Variants in SCD5 observed in about 807,000 individuals in gnomAD.
SCD5 encodes acyl-CoA-desaturase 4.
SCD5 carries 20 observed loss-of-function variants against 30.4 expected under a neutral mutation model. The observed-to-expected ratio is 0.66, with a 90% confidence interval of 0.46 to 0.96. SCD5 has a LOEUF of 0.96. SCD5 is among the 40% of genes least tolerant of loss of function. The pLI is 0.00. For synonymous variants in SCD5, 173 were observed against 176.4 expected (o/e 0.98, Z 0.16); for missense variants, 381 against 443.3 (o/e 0.86, Z 1.26).
chr4:82,732,365 C>T (rs1005105079), intron 1 of SCD5, among the ~76,000 whole-genome samples: 14 of 152,356 alleles, frequency 9.2e-5, no homozygotes, highest in Middle Eastern at 3.4e-3. Context: ...GCTTGGATTA[C>T]AGGCACGAGC....
intron 1 of SCD5, among the ~76,000 whole-genome samples, chr4:82,749,887 C>A (rs189723070): frequency 3.7e-4 from 57 of 152,292 alleles, no homozygotes; most frequent in Admixed American, 2.3e-3. Context: ...GGGCTTTATA[C>A]CCCAAGCACA....
intron 4 of SCD5, among the ~76,000 whole-genome samples, chr4:82,634,416 T>C (rs979385387): frequency 6.6e-6 from 1 of 152,198 alleles, no homozygotes; most frequent in Admixed American, 6.5e-5. Flanking sequence ...AACGAGTACC[T>C]CAAGATGGAT....
intron 3 of SCD5, among the ~76,000 whole-genome samples, chr4:82,644,175 C>A (rs10013397): frequency 0.71 from 107,947 of 151,982 alleles, 38,478 homozygotes; most frequent in Admixed American, 0.78. Context: ...TGCCTGAGGT[C>A]ATGCCCCTCC....
intron 3 of SCD5, among the ~76,000 whole-genome samples, chr4:82,667,380 A>T (rs571645787): frequency 6.6e-6 from 1 of 152,274 alleles, no homozygotes; most frequent in East Asian, 1.9e-4. Context: ...GACTTGGAAA[A>T]TTTTTAAAAC....
chr4:82,764,130 C>T (rs1177059017), intron 1 of SCD5, among the ~76,000 whole-genome samples: 1 of 152,182 alleles, frequency 6.6e-6, no homozygotes, highest in Non-Finnish European at 1.5e-5. Context: ...TAGAACTCTA[C>T]TGTCCATTAC....
chr4:82,651,357 T>C (rs1578005656), intron 3 of SCD5, among the ~76,000 whole-genome samples: 1 of 151,980 alleles, frequency 6.6e-6, no homozygotes, highest in East Asian at 1.9e-4. Flanking sequence ...CTAAGTGAAG[T>C]AACCAGGAAT....
chr4:82,794,635 G>A (rs1324891069), intron 1 of SCD5, among the ~76,000 whole-genome samples: 2 of 151,466 alleles, frequency 1.3e-5, no homozygotes, highest in Non-Finnish European at 2.9e-5. Context: ...TCTAGTTGGA[G>A]TTTGCATTCT....
rs141029590 is a variant in SCD5 at position 82,737,679 on chromosome 4, C to G, written c.233-32266G>C. Among the ~76,000 whole-genome samples, 220 of 152,278 alleles carry G rather than the reference C, an allele frequency of 1.4e-3. 1 individual carries two copies. The highest frequency in any genetic ancestry group is 5.1e-3 in the African/African-American group (214 of 41,556). On this transcript the variant is annotated intron_variant, in intron 1 of 4. Transcript: ENST00000319540. ...ATATCATGTGCTACTGGAAAAAAAT[C>G]AGGGATACTATTTTCATGCTTGCCT...
At chr4:82,720,458 A>AAAAAAAAAAAAAAAAAAAC (rs1720347478) in intron 1 of SCD5, among the ~76,000 whole-genome samples, 1 of 151,152 alleles carries the variant, frequency 6.6e-6, no homozygotes, top group African/African-American at 2.4e-5. Context: ...AAAAAAAAAA[A>AAAAAAAAAAAAAAAAAAAC]AAAAAGACAA....
chr4:82,669,205 G>A (rs1358688379), intron 3 of SCD5, among the ~76,000 whole-genome samples: 4 of 151,670 alleles, frequency 2.6e-5, no homozygotes, highest in Non-Finnish European at 5.9e-5. Context: ...GCAAAGATGA[G>A]TCAAAAATTG....
Position 82,680,721 on chromosome 4 carries a change from G to A in SCD5, c.555C>T (p.Val185=). The A allele has an allele frequency of 6.2e-7, 1 of 1,614,114 alleles. No homozygotes were observed. Among genetic ancestry groups the A allele is most frequent in the Non-Finnish European group, 8.5e-7 (1 of 1,180,030 alleles). ...CATTCACTTACTTTCTCTGGATCCG[G>A]ACCACAGGATCAGCAAGCAGGTCAG... ...DVTDLLADPV[V]RIQRKYYKIS... Residue 185 remains valine, a synonymous_variant, in exon 3 of 5, where the codon GTC becomes GTT. Coordinates refer to ENST00000319540, the MANE Select transcript of SCD5 (RefSeq NM_001037582.3).
At chr4:82,702,824 ATTT>A (rs1719882565) in intron 2 of SCD5, among the ~76,000 whole-genome samples, 1 of 152,178 alleles carries the variant, frequency 6.6e-6, no homozygotes, top group African/African-American at 2.4e-5. Flanking sequence ...GCATTTTTTC[ATTT>A]CCCCAGGTTG....
At chr4:82,722,133 G>T (rs532178572) in intron 1 of SCD5, among the ~76,000 whole-genome samples, 64 of 152,328 alleles carry the variant, frequency 4.2e-4, no homozygotes, top group African/African-American at 1.5e-3. Context: ...TTTGCAGATG[G>T]TATGGCTGTC....
At chr4:82,732,939 A>T (rs1720674043) in intron 1 of SCD5, among the ~76,000 whole-genome samples, 1 of 152,148 alleles carries the variant, frequency 6.6e-6, no homozygotes, top group Admixed American at 6.5e-5. Flanking sequence ...TATTTTTGTC[A>T]CTACCAGTCT....
intron 2 of SCD5, among the ~76,000 whole-genome samples, chr4:82,694,184 C>A (rs1483343483): frequency 6.6e-6 from 1 of 152,170 alleles, no homozygotes; most frequent in African/African-American, 2.4e-5. Context: ...CTGGTGGGAA[C>A]CACTGGTCAC....
chr4:82,746,420 C>T lies in SCD5; in HGVS notation c.233-41007G>A, dbSNP rs1720983310. ...GAGAGAATTCTCATTGTCTGATGTA[C>T]ACTTTGCCCTTTTTTCTCTCTTTGG... On this transcript the variant is annotated intron_variant, in intron 1 of 4. Coordinates refer to ENST00000319540, the MANE Select transcript of SCD5 (RefSeq NM_001037582.3). Among the ~76,000 whole-genome samples, 3 of 152,286 alleles carry T rather than the reference C, an allele frequency of 2.0e-5. No individual in the cohort carries two copies. In the South Asian group the frequency reaches 6.2e-4, roughly 32 times the overall value.
chr4:82,678,878 A>C (rs1365586170), intron 3 of SCD5, among the ~76,000 whole-genome samples: 1 of 152,148 alleles, frequency 6.6e-6, no homozygotes, highest in Non-Finnish European at 1.5e-5. Context: ...GTGAAAATCA[A>C]CGTCAATAAA....
At chr4:82,753,264 A>G in intron 1 of SCD5, 1 of 471,986 alleles carries the variant, frequency 2.1e-6, no homozygotes, top group South Asian at 1.5e-5. Flanking sequence ...GACCAAATTA[A>G]TCCACATTCT....
At chr4:82,747,048 A>C (rs62311827) in intron 1 of SCD5, among the ~76,000 whole-genome samples, 10,541 of 141,880 alleles carry the variant, frequency 0.074, 566 homozygotes, top group East Asian at 0.16. Context: ...GGGGGCAGTT[A>C]GAGAAAAGTC....
Sources: gnomAD v4.1 joint callset for allele counts (sites outside exome capture counted in the v4.1 genomes callset) on GRCh38, gnomAD v4.1.1 for gene constraint, MANE v1.5 for transcripts, NCBI Gene and HGNC (gene_info 2026-07-23, HGNC 2026-07-21) for gene names.